ADD1: variants seen among roughly 807,000 people sequenced by gnomAD.
ADD1 encodes the protein alpha-adducin.
In ADD1, 24 loss-of-function variants were observed where a neutral mutation model predicts 80.5. The ratio of observed to expected loss-of-function variants is 0.30; its 90% CI spans 0.22 to 0.42. The LOEUF (loss-of-function observed/expected upper bound fraction) is 0.42, where lower values mean the gene tolerates loss of function less well. ADD1 is among the 10% of genes least tolerant of loss of function. The pLI, the probability that ADD1 is intolerant of heterozygous loss-of-function variation, is 1.00. For missense variants in ADD1, 948 were observed against 1,019.0 expected, an observed-to-expected ratio of 0.93 and a Z score of 0.95; for synonymous variants, 373 against 393.8, an observed-to-expected ratio of 0.95 and a Z score of 0.63.
At chr4:2,845,868 A>C (rs1351708132) in intron 1 of ADD1, among the ~76,000 whole-genome samples, 1 of 152,216 alleles carries the variant, frequency 6.6e-6, no homozygotes, top group Non-Finnish European at 1.5e-5. Context: ...TGAAACTTAG[A>C]GTTAGATTGA....
chr4:2,911,448 A>ATTTT (rs33935514), intron 13 of ADD1, among the ~76,000 whole-genome samples: 1 of 130,504 alleles, frequency 7.7e-6, no homozygotes, highest in Non-Finnish European at 1.6e-5. Flanking sequence ...ATATATATAT[A>ATTTT]TTTTTTTTTT....
In ADD1 at chr4:2,926,499, G is replaced by C. The variant is rs1408362129; in HGVS notation, c.2047+387G>C. On this transcript the variant is annotated intron_variant, in intron 15 of 15. Coordinates refer to ENST00000683351, the MANE Select transcript of ADD1 (RefSeq NM_001354761.2). This position sits in a 1 kb window ranked among gnomAD's most constrained non-coding sequence, Gnocchi z 5.0. ...GTGTGTCTGTGGTGTGTGATCCCGG[G>C]TGTCTGTCCCTCGGTCTCGTACATC... The C allele has an allele frequency of 2.3e-6, 2 of 852,698 alleles. No homozygotes were observed. The highest frequency in any genetic ancestry group is 3.3e-5 in the African/African-American group (2 of 59,864). 52.8% of individuals were successfully genotyped at this position (852,698 alleles called of 1,614,324 possible). A position where few individuals can be genotyped will look rare whatever the true frequency, so the allele number is the denominator to read the frequency against.
In ADD1 at chr4:2,872,804, C is replaced by T. The variant is rs1241935105; in HGVS notation, c.-20-3092C>T. Among the ~76,000 whole-genome samples the T allele has an allele frequency of 2.0e-5, 3 of 152,284 alleles. No homozygotes were observed. The East Asian group carries it at 5.8e-4, about 29-fold the overall frequency. On this transcript the variant is annotated intron_variant, in intron 1 of 15. Transcript: ENST00000683351. Reference sequence around the variant, plus strand: ...GGAACTCCTGGGCTCAAGTGATCTTCCCACATCAGCTTCTCAAAGTGCTGG... The same window carrying T: ...GGAACTCCTGGGCTCAAGTGATCTTTCCACATCAGCTTCTCAAAGTGCTGG...
chr4:2,916,093 A>G (rs1305916690), intron 14 of ADD1, among the ~76,000 whole-genome samples: 1 of 152,068 alleles, frequency 6.6e-6, no homozygotes, highest in African/African-American at 2.4e-5. Context: ...GTTTCTGTCC[A>G]CATGGAGTGA....
chr4:2,892,297 T>C (rs765509628), intron 4 of ADD1, among the ~76,000 whole-genome samples: 13 of 152,188 alleles, frequency 8.5e-5, no homozygotes, highest in Non-Finnish European at 1.8e-4. Flanking sequence ...TTAGTAAATG[T>C]ATTTGAACTT....
At chr4:2,896,528 T>A (rs1735262315) in intron 6 of ADD1, among the ~76,000 whole-genome samples, 1 of 152,158 alleles carries the variant, frequency 6.6e-6, no homozygotes, top group Admixed American at 6.5e-5. Context: ...TGTTTTAATG[T>A]CATGTGTGTT....
intron 1 of ADD1, among the ~76,000 whole-genome samples, chr4:2,857,286 C>T (rs1728228518): frequency 6.6e-6 from 1 of 152,070 alleles, no homozygotes; most frequent in African/African-American, 2.4e-5. Context: ...ATTTTTTGAC[C>T]TAAAAATTCA....
intron 6 of ADD1, among the ~76,000 whole-genome samples, chr4:2,896,180 C>T (rs985544357): frequency 6.6e-6 from 1 of 151,104 alleles, no homozygotes; most frequent in African/African-American, 2.4e-5. Context: ...AGCCACTGCA[C>T]CCGGCCCAGT....
intron 13 of ADD1, among the ~76,000 whole-genome samples, chr4:2,912,056 A>G (rs1348020996): frequency 1.3e-5 from 2 of 152,222 alleles, no homozygotes; most frequent in Non-Finnish European, 2.9e-5. Flanking sequence ...CTCGTAGATG[A>G]AAATCTGATG....
At chr4:2,846,725 G>C (rs1040248967) in intron 1 of ADD1, among the ~76,000 whole-genome samples, 4 of 151,342 alleles carry the variant, frequency 2.6e-5, no homozygotes, top group African/African-American at 7.3e-5. Context: ...AATCGTAGCT[G>C]CTCCTGAGGC....
chr4:2,903,904 G>A (rs1456811105), intron 9 of ADD1, among the ~76,000 whole-genome samples: 2 of 152,198 alleles, frequency 1.3e-5, no homozygotes, highest in South Asian at 2.1e-4. Context: ...TTACCACAGA[G>A]CACATGGTCA....
At chr4:2,913,750 C>T (rs948610678) in intron 13 of ADD1, among the ~76,000 whole-genome samples, 1 of 152,052 alleles carries the variant, frequency 6.6e-6, no homozygotes, top group Non-Finnish European at 1.5e-5. Context: ...CTAGGACGCT[C>T]TCCATCTCTG....
At chr4:2,905,177 C>T in intron 10 of ADD1, 69 bp downstream of exon 10, 1 of 1,476,950 alleles carries the variant, frequency 6.8e-7, no homozygotes, top group South Asian at 1.2e-5. Context: ...GCTTCGGAGG[C>T]TTTGGGAATC....
intron 1 of ADD1, among the ~76,000 whole-genome samples, chr4:2,874,602 C>G (rs1339403986): frequency 7.7e-6 from 1 of 130,598 alleles, no homozygotes; most frequent in East Asian, 2.0e-4. Context: ...GTGAGACTGT[C>G]TCAAAAAAAA....
chr4:2,913,658 C>T (rs181868417), intron 13 of ADD1, among the ~76,000 whole-genome samples: 37 of 152,078 alleles, frequency 2.4e-4, no homozygotes, highest in Non-Finnish European at 4.6e-4. Context: ...ACCCCTCAGC[C>T]CATCCCAGTC....
intron 4 of ADD1, among the ~76,000 whole-genome samples, chr4:2,890,035 T>G (rs1184813397): frequency 6.6e-6 from 1 of 151,222 alleles, no homozygotes; most frequent in Admixed American, 6.6e-5. Flanking sequence ...CCGTCTCTGC[T>G]AAAAATGCAA....
In ADD1 at chr4:2,914,876, A is replaced by G. The variant is rs753488608; in HGVS notation, c.1792-8A>G. 1.2e-6 allele frequency: 2 copies of G among 1,604,872 alleles called. No individual in the cohort carries two copies. The highest frequency in any genetic ancestry group is 2.2e-5 in the East Asian group (1 of 44,552). ...CTCCTGCAGACCAGATGTGCCTTTC[A>G]TCCACAGGGAGAGCTGGTGACGGCC... is the stretch of plus-strand genomic sequence containing the variant. On this transcript the variant is annotated splice_region_variant and splice_polypyrimidine_tract_variant and intron_variant, in intron 13 of 15. Transcript: ENST00000683351.
At chr4:2,889,716 G>A (rs1733979963) in intron 4 of ADD1, among the ~76,000 whole-genome samples, 1 of 152,180 alleles carries the variant, frequency 6.6e-6, no homozygotes. Context: ...CAGTTGCTGG[G>A]GAGGCTGAGA....
chr4:2,924,491 T>A (rs1469074324), intron 14 of ADD1, among the ~76,000 whole-genome samples: 2 of 152,202 alleles, frequency 1.3e-5, no homozygotes, highest in African/African-American at 4.8e-5. Flanking sequence ...TACTGAAACC[T>A]CAGTGTGCTT....
Sources: allele counts gnomAD v4.1 joint callset (sites outside exome capture counted in the v4.1 genomes callset), GRCh38; gene constraint gnomAD v4.1.1; non-coding constraint Gnocchi (gnomAD v3.1); transcripts MANE v1.5; gene names NCBI Gene and HGNC (gene_info 2026-07-23, HGNC 2026-07-21).